LMO7: variants seen among roughly 807,000 people sequenced by gnomAD.
LMO7 encodes the protein LIM domain 7.
A neutral mutation model predicts 206.5 loss-of-function variants in LMO7; 120 were observed. The observed-to-expected ratio is 0.58, with a 90% CI of 0.50 to 0.68. The LOEUF (loss-of-function observed/expected upper bound fraction) is 0.68, where lower values mean the gene tolerates loss of function less well. Ranked by LOEUF, LMO7 falls within the 30% of genes least tolerant of loss-of-function variation. LMO7 has a pLI of 0.00. For missense variants in LMO7, 1,959 were observed against 1,957.9 expected, an observed-to-expected ratio of 1.00 and a Z score of -0.01; for synonymous variants, 706 against 681.5, an observed-to-expected ratio of 1.04 and a Z score of -0.56.
chr13:75,649,078 C>G (rs1402251711), intron 1 of LMO7, among the ~76,000 whole-genome samples: 1 of 152,104 alleles, frequency 6.6e-6, no homozygotes. Context: ...AGCAAGGATT[C>G]GTTGAATTGT....
chr13:75,648,766 A>G (rs1228014281), intron 1 of LMO7, among the ~76,000 whole-genome samples: 2 of 152,232 alleles, frequency 1.3e-5, no homozygotes, highest in East Asian at 3.8e-4. Flanking sequence ...TATCAAAAGC[A>G]TCAGAAAGAG....
intron 14 of LMO7, among the ~76,000 whole-genome samples, chr13:75,822,822 TAA>T (rs1332466573): frequency 3.4e-3 from 246 of 72,152 alleles, no homozygotes; most frequent in African/African-American, 0.011. Flanking sequence ...ATATATATAA[TAA>T]AATATATATA....
intron 15 of LMO7, among the ~76,000 whole-genome samples, chr13:75,827,012 T>C (rs552914914): frequency 1.3e-5 from 2 of 152,262 alleles, no homozygotes; most frequent in East Asian, 3.9e-4. Flanking sequence ...GGAGGACCCC[T>C]TCGTTCATGA....
rs573739353 is a variant in LMO7 at position 75,828,348 on chromosome 13, C to T, written c.2949+4475C>T. 3.3e-5 allele frequency among the ~76,000 whole-genome samples: 5 copies of T among 152,248 alleles called. No homozygotes were observed. In the South Asian group the frequency reaches 6.2e-4, roughly 19 times the overall value. The stretch of plus-strand genomic sequence containing the variant: ...TTGCCCCAGGCTGGTGAAATGCCTG[C>T]GCCACAACTGCAATTTATCTGATGT... On this transcript the variant is annotated intron_variant, in intron 15 of 30. Transcript: ENST00000377534.
intron 1 of LMO7, among the ~76,000 whole-genome samples, chr13:75,708,638 C>T (rs748064702): frequency 6.6e-6 from 1 of 152,110 alleles, no homozygotes; most frequent in Non-Finnish European, 1.5e-5. Flanking sequence ...ATCTGCACTC[C>T]CCTTGAGTTT....
At chr13:75,621,831 T>C (rs1392502615) in exon 1 of LMO7, 19 of 1,610,028 alleles carry the variant, frequency 1.2e-5, no homozygotes, top group East Asian at 4.5e-5. Context: ...TCTGTGTGGG[T>C]TGGCTGTATC....
At chr13:75,838,873 G>T (rs2059362087) in intron 20 of LMO7, among the ~76,000 whole-genome samples, 1 of 152,144 alleles carries the variant, frequency 6.6e-6, no homozygotes, top group Non-Finnish European at 1.5e-5. Flanking sequence ...TCACATGAAT[G>T]CCGTTCAAGC....
At chr13:75,834,506 G>T (rs996278916) in intron 17 of LMO7, 119 bp downstream of exon 17, 5 of 725,212 alleles carry the variant, frequency 6.9e-6, no homozygotes, top group East Asian at 5.5e-5. Context: ...GGCATTAAAG[G>T]TTTTTGTAGT....
At chr13:75,714,408 C>T (rs1276468841) in intron 2 of LMO7, among the ~76,000 whole-genome samples, 1 of 152,110 alleles carries the variant, frequency 6.6e-6, no homozygotes, top group African/African-American at 2.4e-5. Context: ...AGATGATGGG[C>T]ATGTAAATAA....
At chr13:75,780,070 A>G (rs1312236273) in intron 4 of LMO7, among the ~76,000 whole-genome samples, 1 of 152,200 alleles carries the variant, frequency 6.6e-6, no homozygotes, top group Non-Finnish European at 1.5e-5. Context: ...TTCAAGGGCA[A>G]TAAAATATCA....
At chr13:75,671,605 G>T (rs555142011) in intron 1 of LMO7, among the ~76,000 whole-genome samples, 1 of 152,104 alleles carries the variant, frequency 6.6e-6, no homozygotes, top group African/African-American at 2.4e-5. Flanking sequence ...GCTGCCATTT[G>T]TCACTCTGCT....
intron 12 of LMO7, 122 bp from the exon 13 acceptor site, chr13:75,819,271 C>T: frequency 8.3e-7 from 1 of 1,211,450 alleles, no homozygotes; most frequent in Non-Finnish European, 1.1e-6. Flanking sequence ...ATTAGGGCAC[C>T]TTGGCATCCA....
Position 75,819,545 on chromosome 13 carries a change from C to CTG in LMO7, c.2207+11_2207+12dup, listed in dbSNP as rs1401681623. ...AAATGCTGCAGGACAGGTAATAATG[C>CTG]TGAATGCACCTCGGTTGTAACAGGG... is the stretch of plus-strand genomic sequence containing the variant. On this transcript the variant is annotated intron_variant, in intron 13 of 30. Transcript: ENST00000377534. 7.7e-6 allele frequency: 12 copies of CTG among 1,566,894 alleles called. No individual in the cohort carries two copies. Among genetic ancestry groups the CTG allele is most frequent in the South Asian group, 1.2e-5 (1 of 81,828 alleles).
rs1381640962 is a variant in LMO7 at position 75,859,062 on chromosome 13, G to T, written c.*1119G>T. On this transcript the variant is annotated 3_prime_UTR_variant, in exon 31 of 31. Coordinates refer to ENST00000377534, the MANE Select transcript of LMO7 (RefSeq NM_001306080.2). ...TTAGAATATCTATAAAGCAAAAAAT[G>T]TAGTCTCTTGTTTAAAAAATCTGGA... The T allele has an allele frequency of 6.6e-6, 1 of 152,124 alleles. No individual in the cohort carries two copies. The highest frequency in any genetic ancestry group is 2.4e-5 in the African/African-American group (1 of 41,438). The allele number at this position is 152,124 out of a possible 1,614,324, so 9.4% of individuals were successfully genotyped here.
intron 1 of LMO7, among the ~76,000 whole-genome samples, chr13:75,711,686 C>T (rs549580052): frequency 2.6e-5 from 4 of 152,322 alleles, no homozygotes; most frequent in South Asian, 2.1e-4. Flanking sequence ...AGAAATCACC[C>T]GTCTTCTGCG....
At chr13:75,793,728 CT>C (rs1349839036) in intron 4 of LMO7, among the ~76,000 whole-genome samples, 1 of 152,128 alleles carries the variant, frequency 6.6e-6, no homozygotes, top group Non-Finnish European at 1.5e-5. Context: ...AACTTAAATA[CT>C]TTTTGGAAAC....
In LMO7 at chr13:75,621,760, C is replaced by T; in HGVS notation, c.67C>T (p.Gln23Ter). 2 of 1,610,818 alleles carry T rather than the reference C, an allele frequency of 1.2e-6. No individual in the cohort carries two copies. Among genetic ancestry groups the T allele is most frequent in the Non-Finnish European group, 1.7e-6 (2 of 1,177,452 alleles). ...TTGGATGTCCTATGATGTTCTCTTCCAGAGAACAGAGCTCGGAGCTCTGGA... is the reference window on the plus strand; with the variant it reads ...TTGGATGTCCTATGATGTTCTCTTCTAGAGAACAGAGCTCGGAGCTCTGGA... Residue 23 changes from glutamine to a stop codon, truncating the protein, a stop_gained, in exon 1 of 30, where the codon CAG becomes TAG. Transcript: ENST00000341547. LOFTEE classifies it high-confidence loss of function.
intron 24 of LMO7, 146 bp downstream of exon 24, chr13:75,842,129 C>G (rs904825922): frequency 3.2e-6 from 2 of 631,576 alleles, no homozygotes; most frequent in African/African-American, 3.7e-5. Flanking sequence ...AATCATAAAC[C>G]CTGCCATGTC....
At chr13:75,788,050 G>A (rs188433663) in intron 4 of LMO7, among the ~76,000 whole-genome samples, 1 of 152,260 alleles carries the variant, frequency 6.6e-6, no homozygotes, top group Non-Finnish European at 1.5e-5. Context: ...GCCAGTACCT[G>A]ATATATTCCT....
Sources: allele counts gnomAD v4.1 joint callset (sites outside exome capture counted in the v4.1 genomes callset), GRCh38; gene constraint gnomAD v4.1.1; transcripts MANE v1.5; gene names NCBI Gene and HGNC (gene_info 2026-07-23, HGNC 2026-07-21).